GSK3B: variants seen among roughly 807,000 people sequenced by gnomAD.
GSK3B encodes the protein glycogen synthase kinase 3 beta.
GSK3B carries 15 observed loss-of-function variants against 56.4 expected under a neutral mutation model. That is an observed-to-expected ratio of 0.27 (90% confidence interval 0.18 to 0.41). The LOEUF (loss-of-function observed/expected upper bound fraction) is 0.41. GSK3B is among the 10% of genes least tolerant of loss of function. The pLI is 1.00. For missense variants in GSK3B, 300 were observed against 513.4 expected (o/e 0.58, Z 4.02); for synonymous variants, 181 against 188.9 (o/e 0.96, Z 0.34).
intron 3 of GSK3B, among the ~76,000 whole-genome samples, chr3:119,936,968 A>G (rs1425794851): frequency 6.6e-6 from 1 of 152,086 alleles, no homozygotes; most frequent in Non-Finnish European, 1.5e-5. Context: ...AGGTCTATGC[A>G]GGATAGACCA....
intron 6 of GSK3B, among the ~76,000 whole-genome samples, chr3:119,908,708 T>C (rs953666896): frequency 4.6e-5 from 7 of 152,220 alleles, no homozygotes; most frequent in Non-Finnish European, 1.0e-4. Flanking sequence ...TGTCAAAGTG[T>C]GGTCTACAGA....
intron 7 of GSK3B, among the ~76,000 whole-genome samples, chr3:119,876,782 G>A (rs1311546930): frequency 1.3e-5 from 2 of 152,124 alleles, no homozygotes; most frequent in Non-Finnish European, 2.9e-5. Flanking sequence ...CATTAAAGTG[G>A]AAGCAGGATT....
chr3:119,957,295 A>G (rs940319731), intron 2 of GSK3B, among the ~76,000 whole-genome samples: 4 of 152,222 alleles, frequency 2.6e-5, no homozygotes, highest in Non-Finnish European at 5.9e-5. Context: ...AATTTTATAG[A>G]AACAATAAAA....
intron 7 of GSK3B, among the ~76,000 whole-genome samples, chr3:119,882,820 C>T (rs1416271981): frequency 2.0e-5 from 3 of 152,074 alleles, no homozygotes; most frequent in African/African-American, 7.2e-5. Flanking sequence ...GCATTTATTT[C>T]ACCTGGGTTC....
In GSK3B at chr3:120,077,201, G is replaced by A. The variant is rs116424991; in HGVS notation, c.88+16146C>T. Among the ~76,000 whole-genome samples, 758 of 152,190 alleles carry A rather than the reference G, an allele frequency of 5.0e-3. 2 individuals are homozygous for A. Among genetic ancestry groups the A allele is most frequent in the African/African-American group, 0.015 (628 of 41,520 alleles). ...CAAAATATTATGAAATCATCACTTC[G>A]TAAAGATATCTGCATTCCCACGTTC... is the stretch of plus-strand genomic sequence containing the variant. On this transcript the variant is annotated intron_variant, in intron 1 of 10. Coordinates refer to ENST00000264235, the MANE Select transcript of GSK3B (RefSeq NM_001146156.2).
chr3:120,023,920 A>C (rs1351956286), intron 1 of GSK3B, among the ~76,000 whole-genome samples: 1 of 152,224 alleles, frequency 6.6e-6, no homozygotes, highest in Non-Finnish European at 1.5e-5. Flanking sequence ...TGAAAAACTG[A>C]ACTGATGAAT....
At chr3:120,066,435 CAATT>C (rs953736126) in intron 1 of GSK3B, among the ~76,000 whole-genome samples, 83 of 152,146 alleles carry the variant, frequency 5.5e-4, no homozygotes, top group African/African-American at 1.9e-3. Context: ...AACAATTTGA[CAATT>C]AAAGAGAATA....
chr3:119,892,397 C>T (rs186919812), intron 7 of GSK3B, among the ~76,000 whole-genome samples: 7 of 152,282 alleles, frequency 4.6e-5, no homozygotes, highest in Admixed American at 4.6e-4. Context: ...CACTCCCTTC[C>T]GCTCCCTATC....
intron 10 of GSK3B, chr3:119,833,049 G>GA: frequency 1.2e-6 from 1 of 839,518 alleles, no homozygotes; most frequent in African/African-American, 1.8e-5. Flanking sequence ...CAATACTGAG[G>GA]AAACTGCCCC....
chr3:119,907,995 G>C (rs2056699804), intron 6 of GSK3B, among the ~76,000 whole-genome samples: 1 of 152,062 alleles, frequency 6.6e-6, no homozygotes, highest in Admixed American at 6.5e-5. Context: ...CTTTACCTCT[G>C]GCTGTATCTA....
At chr3:120,028,459 C>A (rs1296145806) in intron 1 of GSK3B, among the ~76,000 whole-genome samples, 1 of 152,146 alleles carries the variant, frequency 6.6e-6, no homozygotes, top group African/African-American at 2.4e-5. Flanking sequence ...GATTAAAAGG[C>A]CTAAATCTAT....
chr3:119,870,753 G>A (rs1413711086), intron 8 of GSK3B, among the ~76,000 whole-genome samples: 2 of 152,142 alleles, frequency 1.3e-5, no homozygotes, highest in Non-Finnish European at 2.9e-5. Context: ...AGGCAAGTGA[G>A]AATGGTCTAG....
At chr3:119,960,151 C>CAAAAAA (rs574956694) in intron 2 of GSK3B, among the ~76,000 whole-genome samples, 41 of 74,412 alleles carry the variant, frequency 5.5e-4, no homozygotes, top group South Asian at 1.2e-3. Flanking sequence ...TATGCTGAGA[C>CAAAAAA]AAAAAAAAAA....
chr3:119,853,098 G>C (rs1559808375), intron 9 of GSK3B, among the ~76,000 whole-genome samples: 1 of 152,150 alleles, frequency 6.6e-6, no homozygotes, highest in African/African-American at 2.4e-5. Flanking sequence ...ATTAATTTTT[G>C]TATCAGGTGT....
At chr3:119,935,807 A>T (rs1283261624) in intron 3 of GSK3B, among the ~76,000 whole-genome samples, 1 of 152,196 alleles carries the variant, frequency 6.6e-6, no homozygotes, top group African/African-American at 2.4e-5. Context: ...AAAACAAAAT[A>T]AAACTACTGA....
intron 9 of GSK3B, among the ~76,000 whole-genome samples, chr3:119,860,728 TAAC>T (rs1240458750): frequency 2.0e-5 from 3 of 152,210 alleles, no homozygotes; most frequent in Non-Finnish European, 4.4e-5. Flanking sequence ...ACAATAGTAA[TAAC>T]AACCAGAGGG....
intron 1 of GSK3B, chr3:120,029,615 T>C (rs887812426): frequency 1.8e-6 from 1 of 564,316 alleles, no homozygotes; most frequent in East Asian, 4.0e-5. Flanking sequence ...AAGGGAGGCT[T>C]GCCATTATTT....
intron 6 of GSK3B, among the ~76,000 whole-genome samples, chr3:119,907,219 A>G (rs568571074): frequency 6.1e-4 from 93 of 152,266 alleles, no homozygotes; most frequent in African/African-American, 2.1e-3. Flanking sequence ...TATGCACTCA[A>G]CTTTTTTCCT....
At chr3:120,065,378 C>CGT (rs1419448009) in intron 1 of GSK3B, among the ~76,000 whole-genome samples, 1 of 151,992 alleles carries the variant, frequency 6.6e-6, no homozygotes, top group Non-Finnish European at 1.5e-5. Flanking sequence ...TGCTCTACAT[C>CGT]GATAGTCATT....
Sources: gnomAD v4.1 joint callset for allele counts (sites outside exome capture counted in the v4.1 genomes callset) on GRCh38, gnomAD v4.1.1 for gene constraint, MANE v1.5 for transcripts, NCBI Gene and HGNC (gene_info 2026-07-23, HGNC 2026-07-21) for gene names.